Variants in MEGF6 observed in about 807,000 individuals in gnomAD.
MEGF6 encodes the protein multiple epidermal growth factor-like domains protein 6.
MEGF6 carries 184 observed loss-of-function variants against 207.1 expected under a neutral mutation model. The observed-to-expected ratio is 0.89, with a 90% CI of 0.79 to 1.00. The LOEUF is 1.00. Ranked by LOEUF, MEGF6 falls within the 50% of genes least tolerant of loss-of-function variation. The pLI, the probability that MEGF6 is intolerant of heterozygous loss-of-function variation, is 0.00. For missense variants in MEGF6, 2,282 were observed against 2,202.9 expected (o/e 1.04, Z -0.72); for synonymous variants, 1,038 against 910.0 (o/e 1.14, Z -2.53).
At chr1:3,503,237 G>C (rs1012676935) in intron 17 of MEGF6, among the ~76,000 whole-genome samples, 1 of 152,182 alleles carries the variant, frequency 6.6e-6, no homozygotes, top group African/African-American at 2.4e-5. Context: ...TACAGGCCTG[G>C]CACTCACCGT....
At position 3,490,958 on chromosome 1, in the gene MEGF6, A is replaced by G. The variant is rs1156625470; in HGVS notation, c.4518T>C (p.Gly1506=). Residue 1506 remains glycine, a splice_region_variant and synonymous_variant, in exon 36 of 37, where the codon GGT becomes GGC. Coordinates refer to ENST00000356575, the MANE Select transcript of MEGF6 (RefSeq NM_001409.4). Reference sequence around the variant, plus strand: ...GGTTCTCGGGGAGCCGGAGGGGCCCACCTGGAGGGGAGAGAGAGCAGGCCA... The same window carrying G: ...GGTTCTCGGGGAGCCGGAGGGGCCCGCCTGGAGGGGAGAGAGAGCAGGCCA... ...DGYMGPTCRE[G]GPLRLPENPS... is the part of the protein sequence containing the mutation. 6.3e-7 allele frequency: 1 copy of G among 1,597,988 alleles called. No homozygotes were observed. Among genetic ancestry groups the G allele is most frequent in the South Asian group, 1.1e-5 (1 of 89,272 alleles).
intron 4 of MEGF6, among the ~76,000 whole-genome samples, chr1:3,553,700 G>A (rs1642954743): frequency 6.6e-6 from 1 of 152,174 alleles, no homozygotes; most frequent in Non-Finnish European, 1.5e-5. Context: ...GAGCACTGAC[G>A]AAAACCAGCT....
intron 17 of MEGF6, 148 bp downstream of exon 17, chr1:3,505,060 A>G: frequency 1.8e-6 from 2 of 1,139,284 alleles, no homozygotes; most frequent in Non-Finnish European, 2.5e-6. Context: ...GTAGCAAGGC[A>G]ACACCGGTAG....
intron 4 of MEGF6, among the ~76,000 whole-genome samples, chr1:3,525,218 C>T (rs908770727): frequency 2.0e-5 from 3 of 152,210 alleles, no homozygotes; most frequent in African/African-American, 7.2e-5. Context: ...AAGTGCCACC[C>T]GCCATCCCAG....
chr1:3,612,696 T>C (rs1297061445), upstream of MEGF6, among the ~76,000 whole-genome samples: 1 of 151,790 alleles, frequency 6.6e-6, no homozygotes, highest in Admixed American at 6.6e-5. Context: ...CTTCGTGTGG[T>C]TTGGGGGAGG....
At chr1:3,590,704 C>A (rs769964977) in intron 3 of MEGF6, among the ~76,000 whole-genome samples, 2 of 152,130 alleles carry the variant, frequency 1.3e-5, no homozygotes, top group African/African-American at 4.8e-5. Flanking sequence ...GGGGCATCAT[C>A]GGCTCAGGGG....
In MEGF6 at chr1:3,493,620, A is replaced by G. The variant is rs1350092217; in HGVS notation, c.4387+151T>C. ...ACCGCATGTCCCAGCAGCTGACTCC[A>G]GCCCCCCCAGGGGGCACAGTCCAGG... On this transcript the variant is annotated intron_variant, in intron 34 of 36. Transcript: ENST00000356575. 10 of 1,092,238 alleles carry G rather than the reference A, an allele frequency of 9.2e-6. No individual in the cohort carries two copies. The African/African-American group carries it at 1.3e-4, about 14-fold the overall frequency. 67.7% of individuals were successfully genotyped at this position (1,092,238 alleles called of 1,614,324 possible). A position where few individuals can be genotyped will look rare whatever the true frequency, so the allele number is the denominator to read the frequency against.
chr1:3,603,710 A>G (rs1644197891), intron 1 of MEGF6, among the ~76,000 whole-genome samples: 2 of 151,830 alleles, frequency 1.3e-5, no homozygotes, highest in Non-Finnish European at 2.9e-5. Context: ...CACCGGGAAT[A>G]TTGTCCAGGC....
intron 32 of MEGF6, 31 bp downstream of exon 32, chr1:3,494,340 C>T: frequency 6.5e-7 from 1 of 1,529,154 alleles, no homozygotes; most frequent in Non-Finnish European, 8.8e-7. Flanking sequence ...TCAAAGGGGC[C>T]CCAGCCCAGC....
intron 4 of MEGF6, among the ~76,000 whole-genome samples, chr1:3,572,836 T>G (rs1643544727): frequency 7.3e-6 from 1 of 136,656 alleles, no homozygotes; most frequent in Non-Finnish European, 1.6e-5. Flanking sequence ...CTCCTGGGTG[T>G]GCTGGGTCCT....
In MEGF6 at chr1:3,501,644, C is replaced by CA. The variant is rs1320211446; in HGVS notation, c.2314+151_2314+152insT. ...TTGGTGGGGCAGCCACAGACCCCCC[C>CA]TCCCTACCCCAGGGGAGTGCACTGT... On this transcript the variant is annotated intron_variant, in intron 18 of 36. Transcript: ENST00000356575. 3 of 1,193,346 alleles carry CA rather than the reference C, an allele frequency of 2.5e-6. No individual in the cohort carries two copies. In the African/African-American group the frequency reaches 4.6e-5, roughly 18 times the overall value. The allele number at this position is 1,193,346 out of a possible 1,614,324, so 73.9% of individuals were successfully genotyped here.
At position 3,532,113 on chromosome 1, in the gene MEGF6, G is replaced by A. The variant is rs143494159; in HGVS notation, c.482-7867C>T. Among the ~76,000 whole-genome samples the A allele has an allele frequency of 6.4e-3, 971 of 152,348 alleles. 4 individuals are homozygous for A. Among genetic ancestry groups the A allele is most frequent in the South Asian group, 0.012 (60 of 4,832 alleles). ...CTGCAGGGTGGCCAGCAGTGCCCAGGTGTCAGGCTGCAAAGGCCACGGAGG... is the reference window on the plus strand; with the variant it reads ...CTGCAGGGTGGCCAGCAGTGCCCAGATGTCAGGCTGCAAAGGCCACGGAGG... On this transcript the variant is annotated intron_variant, in intron 4 of 36. Coordinates refer to ENST00000356575, the MANE Select transcript of MEGF6 (RefSeq NM_001409.4).
intron 2 of MEGF6, among the ~76,000 whole-genome samples, chr1:3,602,092 C>T (rs966373013): frequency 4.6e-5 from 7 of 152,244 alleles, no homozygotes; most frequent in African/African-American, 9.6e-5. Flanking sequence ...AAAAGTTTCA[C>T]GTGTGTTGGG....
chr1:3,512,366 C>T (rs1641384495), intron 7 of MEGF6, among the ~76,000 whole-genome samples: 3 of 152,262 alleles, frequency 2.0e-5, no homozygotes, highest in Admixed American at 6.5e-5. Flanking sequence ...GACCAGGTGC[C>T]AGTGCCCAGG....
chr1:3,547,737 A>G (rs1315679897), intron 4 of MEGF6, among the ~76,000 whole-genome samples: 2 of 152,176 alleles, frequency 1.3e-5, no homozygotes, highest in African/African-American at 4.8e-5. Context: ...CCCAGAGCCC[A>G]TGCCCTAGCC....
At position 3,509,968 on chromosome 1, in the gene MEGF6, C is replaced by T. The variant is rs370680993; in HGVS notation, c.1259G>A (p.Arg420His). 4.6e-5 allele frequency: 73 copies of T among 1,584,824 alleles called. 1 individual carries two copies. The Admixed American group carries it at 8.5e-4, about 18-fold the overall frequency. ...GGTGCAGTGGTGCTCGCAGCCGCCA[C>T]GGCTGGAGGCGCACTCATCCACATC... ...CEDVDECASSRGGCEHHCTNL... is the reference protein window; with the variant it reads ...CEDVDECASSHGGCEHHCTNL... Residue 420 changes from arginine to histidine, a missense_variant, in exon 11 of 37, where the codon CGT (arginine) becomes CAT (histidine). By Grantham distance (29) the Arg-to-His change is conservative. Transcript: ENST00000356575.
chr1:3,495,521 G>T (rs1009413906), intron 30 of MEGF6, among the ~76,000 whole-genome samples: 2 of 152,198 alleles, frequency 1.3e-5, no homozygotes, highest in African/African-American at 2.4e-5. Context: ...GGGCCAGAAG[G>T]ACTCCACCCT....
rs180762701 is a variant in MEGF6, at chr1:3,532,155, G to A, written c.482-7909C>T. ...CCACGGAGGTGCTTCCAACCCCAGA[G>A]CCCTGGGTCCCCACGCTCCTCGAGG... On this transcript the variant is annotated intron_variant, in intron 4 of 36. Transcript: ENST00000356575. Among the ~76,000 whole-genome samples, 874 of 152,360 alleles carry A rather than the reference G, an allele frequency of 5.7e-3. 9 individuals are homozygous for A. The highest frequency in any genetic ancestry group is 0.02 in the African/African-American group (839 of 41,586).
intron 4 of MEGF6, among the ~76,000 whole-genome samples, chr1:3,548,042 C>A (rs1642771659): frequency 6.6e-6 from 1 of 152,182 alleles, no homozygotes; most frequent in African/African-American, 2.4e-5. Flanking sequence ...CCCCTGTGCC[C>A]CCGCCTCTAG....
Sources: gnomAD v4.1 joint callset for allele counts (sites outside exome capture counted in the v4.1 genomes callset) on GRCh38, gnomAD v4.1.1 for gene constraint, MANE v1.5 for transcripts, NCBI Gene and HGNC (gene_info 2026-07-23, HGNC 2026-07-21) for gene names.